Variants in SPOCK3 observed in about 807,000 individuals in gnomAD.
The protein encoded by SPOCK3 is SPARC (osteonectin), cwcv and kazal like domains proteoglycan 3, also known as testican-3.
A neutral mutation model predicts 56.6 loss-of-function variants in SPOCK3; 30 were observed. That is an observed-to-expected ratio of 0.53 (90% confidence interval 0.40 to 0.72). SPOCK3 has a LOEUF of 0.72. SPOCK3 is among the 30% of genes least tolerant of loss of function. SPOCK3 has a pLI of 0.00. For synonymous variants in SPOCK3, 196 were observed against 183.3 expected (o/e 1.07, Z -0.56); for missense variants, 527 against 530.0 (o/e 0.99, Z 0.06).
chr4:166,826,442 T>G (rs531396741), intron 6 of SPOCK3, among the ~76,000 whole-genome samples: 2 of 152,168 alleles, frequency 1.3e-5, no homozygotes, highest in South Asian at 2.1e-4. Context: ...AAATCAAAAT[T>G]TATTTATTCA....
intron 2 of SPOCK3, among the ~76,000 whole-genome samples, chr4:167,211,778 T>C (rs1406214372): frequency 6.6e-6 from 1 of 152,168 alleles, no homozygotes; most frequent in East Asian, 1.9e-4. Context: ...ATCAGCAGCA[T>C]GAAAAAGGAC....
Position 166,877,029 on chromosome 4 carries a change from G to A in SPOCK3, c.589+12101C>T, listed in dbSNP as rs144203556. Among the ~76,000 whole-genome samples, 25 of 151,958 alleles carry A rather than the reference G, an allele frequency of 1.6e-4. 1 individual carries two copies. In the Middle Eastern group the frequency reaches 0.01, roughly 62 times the overall value. ...TCTAATTGATACATTATCAGTGAAG[G>A]GATACACACATCAAAGTTACAATAG... On this transcript the variant is annotated intron_variant, in intron 6 of 10. Coordinates refer to ENST00000357545, the MANE Select transcript of SPOCK3 (RefSeq NM_001040159.2).
chr4:166,936,249 A>G (rs1712812678), intron 4 of SPOCK3, among the ~76,000 whole-genome samples: 2 of 152,140 alleles, frequency 1.3e-5, no homozygotes, highest in Admixed American at 6.5e-5. Context: ...TTACATATGT[A>G]TTCATAAGCA....
chr4:166,742,264 T>C (rs899647890), intron 8 of SPOCK3, among the ~76,000 whole-genome samples: 1 of 137,852 alleles, frequency 7.3e-6, no homozygotes, highest in Non-Finnish European at 1.6e-5. Context: ...TATCTATCTA[T>C]CTATCTATCT....
intron 6 of SPOCK3, among the ~76,000 whole-genome samples, chr4:166,816,387 T>C (rs1470093698): frequency 2.6e-5 from 4 of 152,130 alleles, no homozygotes; most frequent in East Asian, 1.9e-4. Flanking sequence ...TACTGCATTA[T>C]TCATTCTGCT....
chr4:167,038,439 T>C (rs757006924), intron 3 of SPOCK3, among the ~76,000 whole-genome samples: 34 of 152,158 alleles, frequency 2.2e-4, no homozygotes, highest in Non-Finnish European at 3.7e-4. Flanking sequence ...TTATGTTATA[T>C]TTTCTAGCTA....
In SPOCK3 at chr4:167,058,094, C is replaced by G. The variant is rs544457146; in HGVS notation, c.235+4398G>C. Among the ~76,000 whole-genome samples the G allele has an allele frequency of 3.9e-5, 6 of 152,276 alleles. No individual in the cohort carries two copies. The Middle Eastern group carries it at 0.01, about 259-fold the overall frequency. On this transcript the variant is annotated intron_variant, in intron 3 of 10. Transcript: ENST00000357545. ...GAATTTTAACAAACTGTCTCTCAGA[C>G]AGGGATGCCCTCTCTCACCACTCCT... is the stretch of plus-strand genomic sequence containing the variant.
At chr4:167,030,862 T>G (rs892640617) in intron 3 of SPOCK3, among the ~76,000 whole-genome samples, 6 of 152,184 alleles carry the variant, frequency 3.9e-5, no homozygotes, top group Admixed American at 3.3e-4. Flanking sequence ...TCCAACAAGC[T>G]GCAGGAACTC....
intron 2 of SPOCK3, among the ~76,000 whole-genome samples, chr4:167,205,382 T>A (rs1160559524): frequency 2.4e-5 from 1 of 42,194 alleles, no homozygotes; most frequent in African/African-American, 1.1e-4. Flanking sequence ...ATATATATAA[T>A]ATATATATTT....
chr4:167,231,813 T>TA (rs1737205191), intron 2 of SPOCK3, among the ~76,000 whole-genome samples: 1 of 152,080 alleles, frequency 6.6e-6, no homozygotes, highest in Admixed American at 6.5e-5. Context: ...GGTTCAAGGG[T>TA]AAAAAATGAT....
At chr4:167,071,288 C>T (rs531001714) in intron 2 of SPOCK3, among the ~76,000 whole-genome samples, 13 of 152,092 alleles carry the variant, frequency 8.5e-5, no homozygotes, top group Admixed American at 5.9e-4. Context: ...ATGTGCACAA[C>T]GTGCAGGTTT....
rs1466080193 is a variant in SPOCK3 at position 167,189,117 on chromosome 4, A to G, written c.189+44868T>C. Among the ~76,000 whole-genome samples the G allele has an allele frequency of 2.1e-5, 3 of 146,086 alleles. 1 individual carries two copies. The Admixed American group carries it at 2.1e-4, about 10-fold the overall frequency. On this transcript the variant is annotated intron_variant, in intron 2 of 10. Coordinates refer to ENST00000357545, the MANE Select transcript of SPOCK3 (RefSeq NM_001040159.2). ...AACCTCACCCCAAAATCAAAACTAC[A>G]CACATTACAAGAAAACTACAGATGA...
At chr4:166,817,334 T>G (rs1349418387) in intron 6 of SPOCK3, among the ~76,000 whole-genome samples, 1 of 152,036 alleles carries the variant, frequency 6.6e-6, no homozygotes, top group African/African-American at 2.4e-5. Context: ...TAAGCAAACC[T>G]TTTTACTCTC....
intron 2 of SPOCK3, among the ~76,000 whole-genome samples, chr4:167,105,315 G>A (rs926480223): frequency 2.6e-5 from 4 of 151,804 alleles, no homozygotes; most frequent in Non-Finnish European, 5.9e-5. Context: ...AAAGTTAAAA[G>A]TGTAGGGTTT....
chr4:166,848,007 T>A lies in SPOCK3; in HGVS notation c.589+41123A>T, dbSNP rs534977522. ...ATCTGGCTTGTAACCCAAAATCAAATCACAATCAAGTTTCCTACAAATTAC... is the reference window on the plus strand; with the variant it reads ...ATCTGGCTTGTAACCCAAAATCAAAACACAATCAAGTTTCCTACAAATTAC... On this transcript the variant is annotated intron_variant, in intron 6 of 10. Transcript: ENST00000357545. 1.1e-4 allele frequency among the ~76,000 whole-genome samples: 16 copies of A among 152,102 alleles called. No homozygotes were observed. In the East Asian group the frequency reaches 2.9e-3, roughly 28 times the overall value.
At chr4:166,889,769 T>G (rs1734582377) in intron 5 of SPOCK3, among the ~76,000 whole-genome samples, 1 of 152,112 alleles carries the variant, frequency 6.6e-6, no homozygotes. Flanking sequence ...TTGTAAAATA[T>G]ATATATGTAA....
At chr4:166,858,668 G>A (rs1461791890) in intron 6 of SPOCK3, among the ~76,000 whole-genome samples, 2 of 152,040 alleles carry the variant, frequency 1.3e-5, no homozygotes, top group Non-Finnish European at 2.9e-5. Context: ...CATGTGGAAT[G>A]GAGATCATTT....
chr4:167,013,112 T>C (rs1403992875), intron 3 of SPOCK3, among the ~76,000 whole-genome samples: 3 of 151,968 alleles, frequency 2.0e-5, no homozygotes, highest in Non-Finnish European at 4.4e-5. Flanking sequence ...ATATGAAATG[T>C]GAAAGGCTAC....
At chr4:167,116,613 GTA>G (rs1222669624) in intron 2 of SPOCK3, among the ~76,000 whole-genome samples, 1 of 125,072 alleles carries the variant, frequency 8.0e-6, no homozygotes, top group African/African-American at 3.1e-5. Context: ...TACTATATAC[GTA>G]TATATATACA....
Sources: gnomAD v4.1 joint callset for allele counts (sites outside exome capture counted in the v4.1 genomes callset) on GRCh38, gnomAD v4.1.1 for gene constraint, MANE v1.5 for transcripts, NCBI Gene and HGNC (gene_info 2026-07-23, HGNC 2026-07-21) for gene names.